Variants in LRRK1 observed in about 807,000 individuals in gnomAD.
LRRK1 encodes the protein leucine-rich repeat serine/threonine-protein kinase 1.
LRRK1 carries 113 observed loss-of-function variants against 209.1 expected under a neutral mutation model. The observed-to-expected ratio is 0.54, with a 90% CI of 0.46 to 0.63. The LOEUF is 0.63. Among genes scored for constraint, LRRK1 ranks in the 30% least tolerant of loss-of-function variants. The pLI, the probability that LRRK1 is intolerant of heterozygous loss-of-function variation, is 0.00. For synonymous variants in LRRK1, 1,144 were observed against 1,099.7 expected (o/e 1.04, Z -0.80); for missense variants, 2,284 against 2,632.2 (o/e 0.87, Z 2.89).
intron 20 of LRRK1, among the ~76,000 whole-genome samples, chr15:101,038,047 G>T (rs1481861116): frequency 6.6e-6 from 1 of 152,146 alleles, no homozygotes; most frequent in East Asian, 1.9e-4. Flanking sequence ...GCCATATAAA[G>T]GAATAAAATA....
chr15:101,026,830 G>T (rs1299821577), intron 17 of LRRK1, among the ~76,000 whole-genome samples: 1 of 152,228 alleles, frequency 6.6e-6, no homozygotes, highest in Non-Finnish European at 1.5e-5. Flanking sequence ...GCATGGGTCA[G>T]CCTGGGACAC....
At chr15:100,996,656 T>C (rs1273936619) in intron 6 of LRRK1, among the ~76,000 whole-genome samples, 2 of 152,226 alleles carry the variant, frequency 1.3e-5, no homozygotes, top group African/African-American at 2.4e-5. Context: ...TCCATGTGCA[T>C]GTTAGTGCTT....
At chr15:101,054,867 AAGAC>A in intron 26 of LRRK1, 75 bp from the exon 27 acceptor site, 1 of 1,251,742 alleles carries the variant, frequency 8.0e-7, no homozygotes, top group South Asian at 1.4e-5. Flanking sequence ...GGAAGACAAA[AAGAC>A]AGTTGTTATC....
intron 20 of LRRK1, among the ~76,000 whole-genome samples, chr15:101,041,986 A>G (rs1057050713): frequency 4.6e-5 from 7 of 152,212 alleles, no homozygotes; most frequent in African/African-American, 1.4e-4. Flanking sequence ...GAAACCATGA[A>G]AAAGAAACTG....
intron 33 of LRRK1, among the ~76,000 whole-genome samples, chr15:101,068,092 G>T (rs150990770): frequency 6.6e-6 from 1 of 152,172 alleles, no homozygotes; most frequent in Non-Finnish European, 1.5e-5. Flanking sequence ...CACCACCAGG[G>T]CAGGGAGGCC....
rs1337225102 is a variant in LRRK1 at position 101,066,625 on chromosome 15, G to A, written c.5769-15G>A. On this transcript the variant is annotated splice_polypyrimidine_tract_variant and intron_variant, in intron 32 of 33. Transcript: ENST00000388948. ...ACCGACAAATCGCTTCCCCTTCTGGGTTTTGGTTGCTTAGGCGCGGTGGAG... is the reference window on the plus strand; with the variant it reads ...ACCGACAAATCGCTTCCCCTTCTGGATTTTGGTTGCTTAGGCGCGGTGGAG... The A allele has an allele frequency of 3.7e-6, 6 of 1,613,174 alleles. No individual in the cohort carries two copies. The highest frequency in any genetic ancestry group is 1.7e-5 in the Admixed American group (1 of 59,992).
chr15:101,031,054 T>A (rs1325019971), intron 20 of LRRK1, among the ~76,000 whole-genome samples: 1 of 152,160 alleles, frequency 6.6e-6, no homozygotes, highest in Non-Finnish European at 1.5e-5. Context: ...TAGTCTCCCG[T>A]CTCCTCCAGG....
chr15:101,048,798 A>T (rs1405437705), intron 22 of LRRK1, 141 bp downstream of exon 22: 1 of 628,634 alleles, frequency 1.6e-6, no homozygotes, highest in African/African-American at 1.9e-5. Flanking sequence ...CTTGCTAGAA[A>T]TGTGAGGCCC....
At chr15:101,039,165 A>G (rs955018397) in intron 20 of LRRK1, among the ~76,000 whole-genome samples, 3 of 152,188 alleles carry the variant, frequency 2.0e-5, no homozygotes, top group Non-Finnish European at 2.9e-5. Context: ...AACCGTTGTG[A>G]TTTTTATGGA....
intron 23 of LRRK1, 36 bp from the exon 24 acceptor site, chr15:101,051,675 T>C: frequency 1.9e-6 from 3 of 1,601,054 alleles, no homozygotes; most frequent in South Asian, 1.1e-5. Flanking sequence ...TGCACCACCT[T>C]CTTGTGAAGC....
chr15:101,062,928 C>G (rs2036274377), intron 31 of LRRK1, among the ~76,000 whole-genome samples: 1 of 152,170 alleles, frequency 6.6e-6, no homozygotes, highest in Admixed American at 6.5e-5. Context: ...TGAAAAACCC[C>G]CTTTCACATG....
At chr15:100,941,278 CCGTG>C (rs2042400548) in intron 2 of LRRK1, among the ~76,000 whole-genome samples, 30 of 22,110 alleles carry the variant, frequency 1.4e-3, no homozygotes, top group Non-Finnish European at 2.0e-3. Flanking sequence ...CTGTGTGTGT[CCGTG>C]TGTGTGTCTG....
At chr15:101,026,229 G>A in intron 17 of LRRK1, 92 bp downstream of exon 17, 1 of 1,333,794 alleles carries the variant, frequency 7.5e-7, no homozygotes, top group Non-Finnish European at 1.0e-6. Flanking sequence ...TCCTGAGTCT[G>A]GGTGGGGCTA....
chr15:101,073,596 C>G lies in LRRK1; in HGVS notation c.*4748C>G, dbSNP rs567245921. 2.6e-5 allele frequency: 4 copies of G among 152,194 alleles called. No individual in the cohort carries two copies. The highest frequency in any genetic ancestry group is 7.2e-5 in the African/African-American group (3 of 41,466). 9.4% of individuals were successfully genotyped at this position (152,194 alleles called of 1,614,324 possible). On this transcript the variant is annotated 3_prime_UTR_variant, in exon 34 of 34. Transcript: ENST00000388948. ...CAATCCCTTATTTCTGTGCCCCAACCTCTTATCTCTGTGCCCCAATCCCTT... is the reference window on the plus strand; with the variant it reads ...CAATCCCTTATTTCTGTGCCCCAACGTCTTATCTCTGTGCCCCAATCCCTT...
chr15:101,013,509 G>T (rs57890637), intron 10 of LRRK1, among the ~76,000 whole-genome samples: 2,511 of 152,244 alleles, frequency 0.016, 71 homozygotes, highest in African/African-American at 0.057. Flanking sequence ...AGCACTTTGC[G>T]AGGCCAAAAT....
intron 2 of LRRK1, among the ~76,000 whole-genome samples, chr15:100,927,911 T>A (rs1272755027): frequency 2.0e-5 from 3 of 152,184 alleles, no homozygotes; most frequent in Non-Finnish European, 4.4e-5. Flanking sequence ...TAAAGCCCAA[T>A]TTTAACGCAT....
At chr15:100,972,335 T>TATGA (rs754464630) in intron 2 of LRRK1, among the ~76,000 whole-genome samples, 3,187 of 103,588 alleles carry the variant, frequency 0.031, 50 homozygotes, top group Admixed American at 0.042. Flanking sequence ...TATATATATA[T>TATGA]GAGAGAGAGA....
Position 100,926,437 on chromosome 15 carries a change from A to G in LRRK1, c.97+1708A>G, listed in dbSNP as rs80119549. 5.7e-3 allele frequency among the ~76,000 whole-genome samples: 861 copies of G among 151,992 alleles called. 11 individuals carry two copies. The highest frequency in any genetic ancestry group is 0.02 in the African/African-American group (825 of 41,442). ...GGCCTGTAGGGTAGGTGACTGTGTC[A>G]TCTGAAAAAGCCCACAGGAGGCGCT... On this transcript the variant is annotated intron_variant, in intron 2 of 33. Coordinates refer to ENST00000388948, the MANE Select transcript of LRRK1 (RefSeq NM_024652.6).
intron 3 of LRRK1, among the ~76,000 whole-genome samples, chr15:100,976,494 A>C (rs2031301426): frequency 6.6e-6 from 1 of 152,256 alleles, no homozygotes; most frequent in African/African-American, 2.4e-5. Context: ...TTTTTAAGCT[A>C]ATCAGATTGA....
Sources: allele counts gnomAD v4.1 joint callset (sites outside exome capture counted in the v4.1 genomes callset), GRCh38; gene constraint gnomAD v4.1.1; transcripts MANE v1.5; gene names NCBI Gene and HGNC (gene_info 2026-07-23, HGNC 2026-07-21).